CHODL: variants seen among roughly 807,000 people sequenced by gnomAD.
CHODL encodes the protein chondrolectin.
A neutral mutation model predicts 34.5 loss-of-function variants in CHODL; 29 were observed. The ratio of observed to expected loss-of-function variants is 0.84; its 90% CI spans 0.63 to 1.15. CHODL has a LOEUF of 1.15. Ranked by LOEUF, CHODL falls within the 50% of genes most tolerant of loss-of-function variation. The probability of loss-of-function intolerance (pLI) is 0.00; values close to 1 mark genes in which losing one functional copy is unlikely to be tolerated. For missense variants in CHODL, 332 were observed against 332.5 expected, an observed-to-expected ratio of 1.00 and a Z score of 0.01; for synonymous variants, 125 against 116.1, an observed-to-expected ratio of 1.08 and a Z score of -0.49.
chr21:18,219,303 T>G (rs935786863), intron 2 of CHODL, among the ~76,000 whole-genome samples: 3 of 152,008 alleles, frequency 2.0e-5, no homozygotes, highest in Non-Finnish European at 4.4e-5. Context: ...AAGTGCCAAA[T>G]AAAAGGGAAA....
At chr21:18,060,521 C>T in intron 2 of CHODL, among the ~76,000 whole-genome samples, 1 of 151,582 alleles carries the variant, frequency 6.6e-6, no homozygotes, top group Non-Finnish European at 1.5e-5. Flanking sequence ...TAGTGATGCT[C>T]CAGGAAACTG....
At chr21:17,938,971 C>G (rs1370857343) in intron 1 of CHODL, among the ~76,000 whole-genome samples, 1 of 152,044 alleles carries the variant, frequency 6.6e-6, no homozygotes, top group African/African-American at 2.4e-5. Flanking sequence ...AATAAATTAT[C>G]CCTACACTAT....
At chr21:17,939,220 G>C (rs944913195) in intron 1 of CHODL, among the ~76,000 whole-genome samples, 1 of 152,128 alleles carries the variant, frequency 6.6e-6, no homozygotes, top group Non-Finnish European at 1.5e-5. Flanking sequence ...TATGCCTGCT[G>C]ATTAGTAACT....
intron 2 of CHODL, among the ~76,000 whole-genome samples, chr21:18,153,714 C>T (rs2072998878): frequency 6.6e-6 from 1 of 152,112 alleles, no homozygotes; most frequent in African/African-American, 2.4e-5. Context: ...AGTTCTTTCT[C>T]ACCCTCTTAT....
At chr21:18,086,946 G>C (rs2065015002) in intron 2 of CHODL, among the ~76,000 whole-genome samples, 1 of 152,212 alleles carries the variant, frequency 6.6e-6, no homozygotes, top group African/African-American at 2.4e-5. Flanking sequence ...GCAGTGGTTA[G>C]AGCAATCCAG....
chr21:18,253,561 G>A lies in CHODL; in HGVS notation c.80-2948G>A, dbSNP rs1327332667. Among the ~76,000 whole-genome samples, 4 of 152,070 alleles carry A rather than the reference G, an allele frequency of 2.6e-5. No individual in the cohort carries two copies. In the East Asian group the frequency reaches 7.7e-4, roughly 29 times the overall value. On this transcript the variant is annotated intron_variant, in intron 1 of 5. Coordinates refer to ENST00000299295, the MANE Select transcript of CHODL (RefSeq NM_024944.3). ...CAGTCATGAAAATACAAGCTTAATG[G>A]CATTGTTAGGCTCTGACTGAGAACA... is the stretch of plus-strand genomic sequence containing the variant.
intron 1 of CHODL, among the ~76,000 whole-genome samples, chr21:17,934,108 G>A (rs569616380): frequency 4.6e-5 from 7 of 151,192 alleles, no homozygotes; most frequent in African/African-American, 1.2e-4. Flanking sequence ...AGTGAGGGTC[G>A]AAAAATTACC....
At position 17,930,962 on chromosome 21, in the gene CHODL, G is replaced by A. The variant is rs151199501; in HGVS notation, c.-145+13562G>A. ...GTTTTCCCTGGCTTTCGGTGACATTGTGGCCTGGCGTTAGATGACAGTGTC... is the reference window on the plus strand; with the variant it reads ...GTTTTCCCTGGCTTTCGGTGACATTATGGCCTGGCGTTAGATGACAGTGTC... On this transcript the variant is annotated intron_variant, in intron 1 of 6. Coordinates refer to the CHODL transcript ENST00000400127. Among the ~76,000 whole-genome samples, 1,159 of 152,326 alleles carry A rather than the reference G, an allele frequency of 7.6e-3. 20 individuals are homozygous for A. The highest frequency in any genetic ancestry group is 0.026 in the African/African-American group (1,079 of 41,552).
intron 1 of CHODL, among the ~76,000 whole-genome samples, chr21:17,985,286 T>C (rs1313110932): frequency 6.6e-6 from 1 of 152,200 alleles, no homozygotes; most frequent in Non-Finnish European, 1.5e-5. Context: ...TATCAGACTT[T>C]CTTCATTGTA....
rs536959912 is a variant in CHODL at position 17,954,484 on chromosome 21, A to G, written c.-145+37084A>G. Among the ~76,000 whole-genome samples, 11 of 139,186 alleles carry G rather than the reference A, an allele frequency of 7.9e-5. 1 individual carries two copies. Among genetic ancestry groups the G allele is most frequent in the Admixed American group, 2.1e-4 (3 of 14,198 alleles). 91.3% of individuals were successfully genotyped at this position (139,186 alleles called of 152,430 possible). A position where few individuals can be genotyped will look rare whatever the true frequency, so the allele number is the denominator to read the frequency against. On this transcript the variant is annotated intron_variant, in intron 1 of 6. Coordinates refer to the CHODL transcript ENST00000400127. ...TGAGTAAAGAAGGTTGTCCTCTCCA[A>G]TGTGGGTGGGCAACCAATCTGTTGA...
intron 2 of CHODL, among the ~76,000 whole-genome samples, chr21:18,090,074 A>T (rs1368299506): frequency 6.6e-6 from 1 of 152,262 alleles, no homozygotes; most frequent in Non-Finnish European, 1.5e-5. Context: ...GAAACATCAA[A>T]CAATAACCCT....
intron 1 of CHODL, among the ~76,000 whole-genome samples, chr21:17,960,696 G>C (rs1478649528): frequency 6.6e-6 from 1 of 152,014 alleles, no homozygotes; most frequent in Non-Finnish European, 1.5e-5. Context: ...TTTTCTTACA[G>C]GATAATGGAC....
At chr21:18,008,931 G>T (rs959040285) in intron 1 of CHODL, among the ~76,000 whole-genome samples, 3 of 152,054 alleles carry the variant, frequency 2.0e-5, no homozygotes, top group African/African-American at 7.2e-5. Flanking sequence ...GTTTTAAAGT[G>T]GGTTTGTTTA....
At chr21:18,102,362 A>T (rs996133586) in intron 2 of CHODL, among the ~76,000 whole-genome samples, 3 of 152,182 alleles carry the variant, frequency 2.0e-5, no homozygotes, top group Non-Finnish European at 4.4e-5. Context: ...TGCTGACTGA[A>T]TGTTAGTAAG....
intron 2 of CHODL, among the ~76,000 whole-genome samples, chr21:18,125,360 C>T (rs1045427483): frequency 6.6e-6 from 1 of 152,030 alleles, no homozygotes; most frequent in African/African-American, 2.4e-5. Flanking sequence ...ACAAAAAAAG[C>T]AAATAGTCCT....
intron 1 of CHODL, among the ~76,000 whole-genome samples, chr21:17,951,107 CGTGTGTGTGTGTGT>C (rs3073722): frequency 1.3e-5 from 2 of 149,132 alleles, no homozygotes; most frequent in Admixed American, 6.7e-5. Flanking sequence ...TTACTCTATA[CGTGTGTGTGTGTGT>C]GTGTGTGTGT....
intron 1 of CHODL, among the ~76,000 whole-genome samples, chr21:17,939,968 A>G (rs112865899): frequency 6.6e-6 from 1 of 152,180 alleles, no homozygotes; most frequent in African/African-American, 2.4e-5. Context: ...GCAGGACTAG[A>G]TTCATGGGTG....
At chr21:18,168,847 C>T (rs1029199239) in intron 2 of CHODL, among the ~76,000 whole-genome samples, 1 of 152,048 alleles carries the variant, frequency 6.6e-6, no homozygotes, top group Admixed American at 6.5e-5. Flanking sequence ...TAATATAAGA[C>T]CACAAATATT....
chr21:17,946,131 T>G (rs1203138221), intron 1 of CHODL, among the ~76,000 whole-genome samples: 5 of 151,988 alleles, frequency 3.3e-5, no homozygotes, highest in Non-Finnish European at 7.4e-5. Flanking sequence ...GAAAAAGAGA[T>G]TCTAGGTTGG....
Sources: gnomAD v4.1 joint callset for allele counts (sites outside exome capture counted in the v4.1 genomes callset) on GRCh38, gnomAD v4.1.1 for gene constraint, MANE v1.5 for transcripts, NCBI Gene and HGNC (gene_info 2026-07-23, HGNC 2026-07-21) for gene names.